COL28A1: variants seen among roughly 807,000 people sequenced by gnomAD.
The protein encoded by COL28A1 is collagen alpha-1(XXVIII) chain.
In COL28A1, 161 loss-of-function variants were observed where a neutral mutation model predicts 150.2. That is an observed-to-expected ratio of 1.07 (90% CI 0.94 to 1.22). The LOEUF (loss-of-function observed/expected upper bound fraction) is 1.22. Ranked by LOEUF, COL28A1 falls within the 50% of genes most tolerant of loss-of-function variation. COL28A1 has a pLI of 0.00. For synonymous variants in COL28A1, 552 were observed against 469.7 expected, an observed-to-expected ratio of 1.18 and a Z score of -2.26; for missense variants, 1,617 against 1,388.3, an observed-to-expected ratio of 1.16 and a Z score of -2.62.
intron 3 of COL28A1, among the ~76,000 whole-genome samples, chr7:7,529,691 C>T (rs1289142351): frequency 2.6e-5 from 4 of 152,184 alleles, no homozygotes; most frequent in African/African-American, 4.8e-5. Context: ...AAGGAGCTGC[C>T]TGTCCCGCAT....
At chr7:7,518,723 GA>G (rs1781551604) in intron 6 of COL28A1, among the ~76,000 whole-genome samples, 1 of 152,088 alleles carries the variant, frequency 6.6e-6, no homozygotes, top group Admixed American at 6.6e-5. Context: ...TATAATGAAA[GA>G]AATGTTTTTA....
chr7:7,460,959 A>G (rs148502081), intron 15 of COL28A1, among the ~76,000 whole-genome samples: 1 of 152,226 alleles, frequency 6.6e-6, no homozygotes, highest in African/African-American at 2.4e-5. Flanking sequence ...TGTGGAGGCT[A>G]GCACTGTGAA....
At chr7:7,377,735 G>A (rs1781635323) in intron 30 of COL28A1, among the ~76,000 whole-genome samples, 1 of 151,226 alleles carries the variant, frequency 6.6e-6, no homozygotes, top group African/African-American at 2.4e-5. Flanking sequence ...GAAGAGCTCT[G>A]GTGGAACTTT....
chr7:7,454,892 A>G (rs575123878), intron 16 of COL28A1, among the ~76,000 whole-genome samples: 3 of 152,230 alleles, frequency 2.0e-5, no homozygotes, highest in Non-Finnish European at 4.4e-5. Context: ...ATTTATTTAT[A>G]CATTTATCTT....
At chr7:7,340,073 C>G in the COL28A1 span, among the ~76,000 whole-genome samples, 2 of 149,714 alleles carry the variant, frequency 1.3e-5, no homozygotes, top group African/African-American at 2.5e-5. Context: ...TCACTCCAAC[C>G]TCTGCCTCTC....
intron 27 of COL28A1, among the ~76,000 whole-genome samples, chr7:7,383,270 GTGTGTGTGTGTGTGTGTGTT>G (rs1377530008): frequency 1.4e-5 from 2 of 138,830 alleles, no homozygotes; most frequent in African/African-American, 6.0e-5. Context: ...GTGTGTGTGT[GTGTGTGTGTGTGTGTGTGTT>G]TTTTTTGAGA....
At chr7:7,436,717 G>A (rs868186660) in intron 22 of COL28A1, among the ~76,000 whole-genome samples, 2 of 152,166 alleles carry the variant, frequency 1.3e-5, no homozygotes, top group Non-Finnish European at 2.9e-5. Context: ...CAAATATTTC[G>A]ACTTTAAGAA....
chr7:7,365,152 A>C (rs1780867441), intron 33 of COL28A1, among the ~76,000 whole-genome samples: 2 of 152,164 alleles, frequency 1.3e-5, no homozygotes, highest in Admixed American at 6.5e-5. Flanking sequence ...TCTGGAGGGA[A>C]AAAGCTAGGA....
chr7:7,390,449 T>C (rs968881210), intron 27 of COL28A1, among the ~76,000 whole-genome samples: 2 of 152,110 alleles, frequency 1.3e-5, no homozygotes. Context: ...TGGCCTGAAA[T>C]TTTCTCTTTT....
intron 3 of COL28A1, among the ~76,000 whole-genome samples, chr7:7,527,515 C>A (rs1216771339): frequency 6.6e-6 from 1 of 152,094 alleles, no homozygotes; most frequent in Non-Finnish European, 1.5e-5. Context: ...GATGGAAGGG[C>A]CCACATGGAC....
rs867416373 is a variant in COL28A1 at position 7,412,919 on chromosome 7, C to T, written c.2136+4940G>A. Among the ~76,000 whole-genome samples the T allele has an allele frequency of 6.6e-5, 10 of 152,134 alleles. No individual in the cohort carries two copies. The South Asian group carries it at 1.7e-3, about 25-fold the overall frequency. ...GGTTACAACTAGAAAAAATCGAAAC[C>T]CAGATTCAGGCCAAGATCTGACTGG... On this transcript the variant is annotated intron_variant, in intron 27 of 34. Coordinates refer to ENST00000399429, the MANE Select transcript of COL28A1 (RefSeq NM_001037763.3).
At chr7:7,395,414 A>C (rs1489463525) in intron 27 of COL28A1, among the ~76,000 whole-genome samples, 2 of 152,206 alleles carry the variant, frequency 1.3e-5, no homozygotes, top group African/African-American at 4.8e-5. Flanking sequence ...TCATTTTACT[A>C]TTAAGTTGCT....
intron 33 of COL28A1, among the ~76,000 whole-genome samples, chr7:7,363,384 T>C (rs4724977): frequency 0.73 from 110,937 of 152,118 alleles, 41,237 homozygotes; most frequent in East Asian, 0.88. Flanking sequence ...TTAACATTAC[T>C]CCACAGATTC....
At chr7:7,386,780 G>A (rs945290719) in intron 27 of COL28A1, among the ~76,000 whole-genome samples, 10 of 152,152 alleles carry the variant, frequency 6.6e-5, no homozygotes, top group Admixed American at 3.3e-4. Context: ...CCTGGGAAGG[G>A]AAGCACAGGT....
At chr7:7,536,916 G>T (rs898090689), upstream of COL28A1, among the ~76,000 whole-genome samples, 1 of 152,070 alleles carries the variant, frequency 6.6e-6, no homozygotes, top group African/African-American at 2.4e-5. Context: ...TCCTCTGTAG[G>T]TTCTGGAAAC....
chr7:7,357,012 A>AG (rs1780379978), downstream of COL28A1: 1 of 152,088 alleles, frequency 6.6e-6, no homozygotes, highest in African/African-American at 2.4e-5. Context: ...GAATTGAATG[A>AG]GGGTAGACCT....
At chr7:7,446,311 T>C (rs1234288174) in intron 18 of COL28A1, among the ~76,000 whole-genome samples, 1 of 152,122 alleles carries the variant, frequency 6.6e-6, no homozygotes, top group Non-Finnish European at 1.5e-5. Flanking sequence ...TTTTAAGTCA[T>C]AGAAAATTGG....
intron 15 of COL28A1, among the ~76,000 whole-genome samples, chr7:7,474,352 G>C (rs1425715287): frequency 6.6e-6 from 1 of 151,894 alleles, no homozygotes; most frequent in African/African-American, 2.4e-5. Context: ...TATACTGCTT[G>C]GGTGATGGGT....
intron 13 of COL28A1, 61 bp from the exon 14 acceptor site, chr7:7,477,241 GAA>G (rs1392731055): frequency 2.4e-6 from 2 of 818,996 alleles, no homozygotes; most frequent in African/African-American, 1.7e-5. Context: ...GAGGAGTGAT[GAA>G]AAAGAGGAAA....
Sources: gnomAD v4.1 joint callset for allele counts (sites outside exome capture counted in the v4.1 genomes callset) on GRCh38, gnomAD v4.1.1 for gene constraint, MANE v1.5 for transcripts, NCBI Gene and HGNC (gene_info 2026-07-23, HGNC 2026-07-21) for gene names.